Variants in VSTM4 observed in about 807,000 individuals in gnomAD.
The protein encoded by VSTM4 is V-set and transmembrane domain-containing protein 4.
In VSTM4, 20 loss-of-function variants were observed where a neutral mutation model predicts 36.4. The observed-to-expected ratio is 0.55, with a 90% CI of 0.39 to 0.80. VSTM4 has a LOEUF of 0.80. VSTM4 is among the 30% of genes least tolerant of loss of function. The pLI is 0.00. For missense variants in VSTM4, 392 were observed against 404.5 expected, an observed-to-expected ratio of 0.97 and a Z score of 0.26; for synonymous variants, 182 against 173.9, an observed-to-expected ratio of 1.05 and a Z score of -0.37.
intron 2 of VSTM4, among the ~76,000 whole-genome samples, chr10:49,090,480 TC>T: frequency 6.6e-6 from 1 of 152,170 alleles, no homozygotes; most frequent in East Asian, 1.9e-4. Context: ...CAGACAATGG[TC>T]CTATAGGGTC....
intron 2 of VSTM4, among the ~76,000 whole-genome samples, chr10:49,104,250 G>A (rs920436576): frequency 6.6e-6 from 1 of 152,176 alleles, no homozygotes; most frequent in East Asian, 1.9e-4. Flanking sequence ...AGTGAGCCAA[G>A]ATCACACCAC....
intron 6 of VSTM4, among the ~76,000 whole-genome samples, chr10:49,047,342 G>A (rs569416784): frequency 6.6e-6 from 1 of 152,300 alleles, no homozygotes; most frequent in African/African-American, 2.4e-5. Flanking sequence ...GAAGGCTGAA[G>A]CTGGGACCTT....
intron 6 of VSTM4, among the ~76,000 whole-genome samples, chr10:49,047,775 T>C (rs973580204): frequency 1.3e-5 from 2 of 152,194 alleles, no homozygotes; most frequent in Admixed American, 1.3e-4. Context: ...CAGGGCTTGA[T>C]GTGTCCCTAG....
In VSTM4 at chr10:49,019,571, A is replaced by T; in HGVS notation, c.*79T>A. On this transcript the variant is annotated 3_prime_UTR_variant, in exon 8 of 8. Transcript: ENST00000332853. ...TCAGAAGGCATGAGTGAAAATACAG[A>T]CATAAGGGCTTTGTCTCCAAGGCTT... 1 of 1,494,544 alleles carries T rather than the reference A, an allele frequency of 6.7e-7. No homozygotes were observed. Among genetic ancestry groups the T allele is most frequent in the Non-Finnish European group, 8.9e-7 (1 of 1,119,822 alleles). 92.6% of individuals were successfully genotyped at this position (1,494,544 alleles called of 1,614,324 possible).
At chr10:49,073,747 T>G (rs1048901196) in intron 4 of VSTM4, among the ~76,000 whole-genome samples, 1 of 152,212 alleles carries the variant, frequency 6.6e-6, no homozygotes, top group African/African-American at 2.4e-5. Flanking sequence ...GCTTGACATC[T>G]GTGATATATA....
chr10:49,108,252 T>C (rs1258637402), intron 1 of VSTM4, among the ~76,000 whole-genome samples: 1 of 152,246 alleles, frequency 6.6e-6, no homozygotes, highest in Non-Finnish European at 1.5e-5. Context: ...GACCCAGAAG[T>C]ATTTTTCAAA....
At chr10:49,098,912 G>A (rs1346476519) in intron 2 of VSTM4, among the ~76,000 whole-genome samples, 1 of 152,202 alleles carries the variant, frequency 6.6e-6, no homozygotes, top group African/African-American at 2.4e-5. Context: ...TGAGTGAAGG[G>A]ATAAATGAAT....
intron 5 of VSTM4, chr10:49,064,370 G>T (rs1320484539): frequency 9.6e-6 from 3 of 310,942 alleles, no homozygotes; most frequent in Non-Finnish European, 1.8e-5. Flanking sequence ...AATTGGGGGT[G>T]TTTGTGGTCA....
At position 49,016,368 on chromosome 10, in the gene VSTM4, C is replaced by T. The variant is rs1207513373; in HGVS notation, c.*3282G>A. 2.0e-5 allele frequency: 3 copies of T among 152,214 alleles called. No homozygotes were observed. The East Asian group carries it at 5.8e-4, about 29-fold the overall frequency. The allele number at this position is 152,214 out of a possible 1,614,324, so 9.4% of individuals were successfully genotyped here. A position where few individuals can be genotyped will look rare whatever the true frequency, so the allele number is the denominator to read the frequency against. On this transcript the variant is annotated 3_prime_UTR_variant, in exon 8 of 8. Transcript: ENST00000332853. ...TCTGTTGCCTTCCAAGGCTTCTCCACTAGGCAGGAGATGTGGCAACAGATA... is the reference window on the plus strand; with the variant it reads ...TCTGTTGCCTTCCAAGGCTTCTCCATTAGGCAGGAGATGTGGCAACAGATA...
chr10:49,083,840 G>A (rs918557122), intron 3 of VSTM4, among the ~76,000 whole-genome samples: 3 of 152,170 alleles, frequency 2.0e-5, no homozygotes, highest in African/African-American at 7.2e-5. Context: ...TTCAAAGTAT[G>A]GTCCTCAGAC....
At chr10:49,109,701 C>T (rs1157932980) in intron 1 of VSTM4, among the ~76,000 whole-genome samples, 2 of 152,206 alleles carry the variant, frequency 1.3e-5, no homozygotes, top group Non-Finnish European at 2.9e-5. Context: ...CTCAGCTGGA[C>T]TCTCCGCTGG....
Position 49,043,739 on chromosome 10 carries a change from C to G in VSTM4, c.837+3244G>C, listed in dbSNP as rs188913266. 2.0e-5 allele frequency among the ~76,000 whole-genome samples: 3 copies of G among 152,296 alleles called. No individual in the cohort carries two copies. In the East Asian group the frequency reaches 5.8e-4, roughly 29 times the overall value. On this transcript the variant is annotated intron_variant, in intron 7 of 7. Coordinates refer to ENST00000332853, the MANE Select transcript of VSTM4 (RefSeq NM_001031746.5). ...TAAGGTAAAATAAAAAAGAGTCTGA[C>G]AAACAGATAAAATTGGATCCATTTC...
intron 7 of VSTM4, among the ~76,000 whole-genome samples, chr10:49,041,959 T>A (rs1843528417): frequency 6.6e-6 from 1 of 152,202 alleles, no homozygotes; most frequent in Non-Finnish European, 1.5e-5. Context: ...ATGTCCTGAG[T>A]AACTTAGAGA....
intron 7 of VSTM4, among the ~76,000 whole-genome samples, chr10:49,030,475 T>C (rs887526939): frequency 6.6e-6 from 1 of 152,058 alleles, no homozygotes; most frequent in African/African-American, 2.4e-5. Flanking sequence ...AGATTCCCCC[T>C]CCACCCCACC....
chr10:49,088,974 C>A (rs1844424117), intron 2 of VSTM4, among the ~76,000 whole-genome samples: 1 of 152,338 alleles, frequency 6.6e-6, no homozygotes. Context: ...AGGCCCCATG[C>A]CGGATCTACT....
chr10:49,081,405 G>T (rs1470253684), intron 3 of VSTM4, among the ~76,000 whole-genome samples: 1 of 152,192 alleles, frequency 6.6e-6, no homozygotes, highest in Non-Finnish European at 1.5e-5. Flanking sequence ...CATGCCCATG[G>T]AGCACAGCAG....
At chr10:49,088,041 A>G (rs1284032882) in intron 2 of VSTM4, among the ~76,000 whole-genome samples, 1 of 149,352 alleles carries the variant, frequency 6.7e-6, no homozygotes, top group East Asian at 1.9e-4. Flanking sequence ...GTAATTATAT[A>G]ATACAAATAT....
intron 7 of VSTM4, among the ~76,000 whole-genome samples, chr10:49,024,077 G>A (rs983199656): frequency 2.0e-5 from 3 of 152,200 alleles, no homozygotes; most frequent in Non-Finnish European, 2.9e-5. Context: ...CTAAATATGT[G>A]AGAAGCAACT....
chr10:49,044,180 T>C (rs1843563712), intron 7 of VSTM4, among the ~76,000 whole-genome samples: 1 of 151,984 alleles, frequency 6.6e-6, no homozygotes, highest in Non-Finnish European at 1.5e-5. Context: ...ATACAAAAAC[T>C]AACCTAGCAT....
Sources: allele counts gnomAD v4.1 joint callset (sites outside exome capture counted in the v4.1 genomes callset), GRCh38; gene constraint gnomAD v4.1.1; transcripts MANE v1.5; gene names NCBI Gene and HGNC (gene_info 2026-07-23, HGNC 2026-07-21).